Variants in PEX7 observed in about 807,000 individuals in gnomAD.
PEX7 encodes the protein peroxisomal biogenesis factor 7, also known as PTS2 receptor.
Under a neutral mutation model 47.5 loss-of-function variants are expected in PEX7, and 34 were observed. The ratio of observed to expected loss-of-function variants is 0.72; its 90% confidence interval spans 0.54 to 0.95. PEX7 has a LOEUF of 0.95. Ranked by LOEUF, PEX7 falls within the 40% of genes least tolerant of loss-of-function variation. The pLI is 0.00. For missense variants in PEX7, 394 were observed against 400.3 expected (o/e 0.98, Z 0.13); for synonymous variants, 141 against 148.8 (o/e 0.95, Z 0.38).
intron 9 of PEX7, among the ~76,000 whole-genome samples, chr6:136,902,742 A>T (rs966231535): frequency 1.3e-5 from 2 of 152,192 alleles, no homozygotes; most frequent in Non-Finnish European, 2.9e-5. Flanking sequence ...TTAGTTTAGA[A>T]TTCCTGACTT....
intron 3 of PEX7, among the ~76,000 whole-genome samples, chr6:136,843,184 T>TA (rs1774533467): frequency 6.6e-6 from 1 of 152,222 alleles, no homozygotes; most frequent in African/African-American, 2.4e-5. Flanking sequence ...ATCTGCACCT[T>TA]ACTAGCTTTG....
In PEX7 at chr6:136,836,075, A is replaced by G. The variant is rs1259446299; in HGVS notation, c.340-9540A>G. On this transcript the variant is annotated intron_variant, in intron 3 of 9. Coordinates refer to ENST00000318471, the MANE Select transcript of PEX7 (RefSeq NM_000288.4). ...ATTGTAGATAGAAATTAAAATCCCC[A>G]TCTCTGATTTTAGAATCTATTAAAA... Among the ~76,000 whole-genome samples the G allele has an allele frequency of 2.0e-5, 3 of 152,276 alleles. No homozygotes were observed. The East Asian group carries it at 5.8e-4, about 29-fold the overall frequency.
At chr6:136,891,385 G>T (rs1775551599) in intron 8 of PEX7, among the ~76,000 whole-genome samples, 1 of 152,184 alleles carries the variant, frequency 6.6e-6, no homozygotes, top group Non-Finnish European at 1.5e-5. Flanking sequence ...GTTTGTAATT[G>T]TGGAGTTTCT....
chr6:136,845,059 A>G (rs762600821), intron 3 of PEX7, among the ~76,000 whole-genome samples: 2 of 152,254 alleles, frequency 1.3e-5, no homozygotes, highest in South Asian at 2.1e-4. Flanking sequence ...AACATTTCCA[A>G]AAGTTTTCAA....
At chr6:136,874,693 A>G (rs1370747590) in intron 8 of PEX7, among the ~76,000 whole-genome samples, 1 of 149,638 alleles carries the variant, frequency 6.7e-6, no homozygotes, top group South Asian at 2.1e-4. Flanking sequence ...AAAAAAGTCT[A>G]TAAAGGAATG....
intron 8 of PEX7, among the ~76,000 whole-genome samples, chr6:136,896,890 G>T (rs1775662148): frequency 6.6e-6 from 1 of 152,154 alleles, no homozygotes; most frequent in Non-Finnish European, 1.5e-5. Flanking sequence ...CAGAAAATTA[G>T]ATTTTGATAT....
chr6:136,880,850 T>G (rs1046990116), intron 8 of PEX7, among the ~76,000 whole-genome samples: 2 of 152,246 alleles, frequency 1.3e-5, no homozygotes, highest in African/African-American at 4.8e-5. Context: ...CTTGATTCAT[T>G]CAATACAAGC....
At chr6:136,876,079 C>G (rs1775267161) in intron 8 of PEX7, among the ~76,000 whole-genome samples, 1 of 151,742 alleles carries the variant, frequency 6.6e-6, no homozygotes. Context: ...GCTCTGTCGC[C>G]CAGGCTGGAG....
At chr6:136,901,453 G>C (rs56098906) in intron 9 of PEX7, 7,185 of 152,340 alleles carry the variant, frequency 0.047, 350 homozygotes, top group African/African-American at 0.12. Flanking sequence ...GCTTAACTAG[G>C]GCCGGGTGGT....
At chr6:136,884,779 A>G (rs1057403055) in intron 8 of PEX7, among the ~76,000 whole-genome samples, 3 of 152,192 alleles carry the variant, frequency 2.0e-5, no homozygotes, top group African/African-American at 7.2e-5. Flanking sequence ...TTTATGTTAA[A>G]TAAAAACTTC....
At chr6:136,871,802 C>T (rs1411716711) in intron 7 of PEX7, among the ~76,000 whole-genome samples, 1 of 152,182 alleles carries the variant, frequency 6.6e-6, no homozygotes, top group East Asian at 1.9e-4. Flanking sequence ...CTGAGGTGAT[C>T]TGCCCTCCTG....
At chr6:136,854,413 C>A (rs1234183537) in intron 5 of PEX7, among the ~76,000 whole-genome samples, 1 of 152,152 alleles carries the variant, frequency 6.6e-6, no homozygotes, top group Non-Finnish European at 1.5e-5. Flanking sequence ...TCTCGAACTC[C>A]TGACCTCAGG....
chr6:136,883,326 A>C (rs914758480), intron 8 of PEX7, among the ~76,000 whole-genome samples: 2 of 152,222 alleles, frequency 1.3e-5, no homozygotes, highest in Non-Finnish European at 2.9e-5. Context: ...CTAATGGCAC[A>C]ACTAGCTTCA....
intron 9 of PEX7, among the ~76,000 whole-genome samples, chr6:136,906,915 G>T (rs1483091562): frequency 6.6e-6 from 1 of 152,162 alleles, no homozygotes; most frequent in Non-Finnish European, 1.5e-5. Flanking sequence ...ATTCCCTTCA[G>T]TGTAGAGTCT....
At chr6:136,853,217 G>C (rs1336949184) in intron 5 of PEX7, among the ~76,000 whole-genome samples, 5 of 152,340 alleles carry the variant, frequency 3.3e-5, no homozygotes, top group Admixed American at 1.3e-4. Context: ...GAGTTGAGTA[G>C]TTGTGAGAGA....
At chr6:136,876,461 G>A (rs1033142317) in intron 8 of PEX7, among the ~76,000 whole-genome samples, 4 of 152,126 alleles carry the variant, frequency 2.6e-5, no homozygotes, top group African/African-American at 9.7e-5. Context: ...TCTACATTAG[G>A]TATTTCTCCT....
chr6:136,860,382 C>T (rs1012971099), intron 5 of PEX7, among the ~76,000 whole-genome samples: 1 of 147,726 alleles, frequency 6.8e-6, no homozygotes, highest in Non-Finnish European at 1.5e-5. Flanking sequence ...AAATTAACTG[C>T]AAGAGGGGAC....
intron 9 of PEX7, among the ~76,000 whole-genome samples, chr6:136,903,130 TA>T (rs1258382513): frequency 6.6e-6 from 1 of 152,160 alleles, no homozygotes; most frequent in East Asian, 1.9e-4. Context: ...AAAATGCACA[TA>T]TTTTTAAGTG....
At chr6:136,876,952 C>A (rs923649777) in intron 8 of PEX7, among the ~76,000 whole-genome samples, 10 of 152,234 alleles carry the variant, frequency 6.6e-5, no homozygotes, top group Admixed American at 1.3e-4. Context: ...TACACTCCCA[C>A]CAACAGTGTA....
Sources: gnomAD v4.1 joint callset for allele counts (sites outside exome capture counted in the v4.1 genomes callset) on GRCh38, gnomAD v4.1.1 for gene constraint, MANE v1.5 for transcripts, NCBI Gene and HGNC (gene_info 2026-07-23, HGNC 2026-07-21) for gene names.